Variants in ZNF407 observed in about 807,000 individuals in gnomAD.
ZNF407 encodes the protein zinc finger protein 407.
A neutral mutation model predicts 131.2 loss-of-function variants in ZNF407; 17 were observed. The observed-to-expected ratio is 0.13, with a 90% CI of 0.09 to 0.19. The LOEUF (loss-of-function observed/expected upper bound fraction) is 0.19, where lower values mean the gene tolerates loss of function less well. ZNF407 is among the 10% of genes least tolerant of loss of function. ZNF407 has a pLI of 1.00. For missense variants in ZNF407, 2,681 were observed against 2,830.6 expected (o/e 0.95, Z 1.20); for synonymous variants, 1,156 against 1,062.0 (o/e 1.09, Z -1.72).
At chr18:74,723,308 T>G (rs1033889256) in intron 3 of ZNF407, among the ~76,000 whole-genome samples, 4 of 152,212 alleles carry the variant, frequency 2.6e-5, no homozygotes, top group Non-Finnish European at 5.9e-5. Context: ...CTTTTTCCCT[T>G]TGGGATTTGG....
chr18:74,928,171 A>G (rs1257739195), intron 8 of ZNF407, among the ~76,000 whole-genome samples: 1 of 152,200 alleles, frequency 6.6e-6, no homozygotes, highest in Non-Finnish European at 1.5e-5. Flanking sequence ...CAATCAATAC[A>G]TGTAAGGTAT....
At chr18:74,699,112 T>C (rs1001683773) in intron 3 of ZNF407, among the ~76,000 whole-genome samples, 2 of 151,616 alleles carry the variant, frequency 1.3e-5, no homozygotes, top group Non-Finnish European at 2.9e-5. Flanking sequence ...TATTAACCAA[T>C]TTTTTTTAAC....
chr18:74,695,636 G>A (rs1455348517), intron 3 of ZNF407, among the ~76,000 whole-genome samples: 7 of 152,060 alleles, frequency 4.6e-5, no homozygotes, highest in African/African-American at 1.4e-4. Context: ...TGTGGTAGAA[G>A]GAATGTCTGA....
At chr18:75,047,418 C>A (rs1486413342) in intron 8 of ZNF407, among the ~76,000 whole-genome samples, 1 of 152,248 alleles carries the variant, frequency 6.6e-6, no homozygotes, top group Non-Finnish European at 1.5e-5. Flanking sequence ...CCTCTGCCTT[C>A]TGCCCTTCTG....
intron 4 of ZNF407, among the ~76,000 whole-genome samples, chr18:74,862,137 T>G (rs1970946234): frequency 6.6e-6 from 1 of 152,272 alleles, no homozygotes; most frequent in African/African-American, 2.4e-5. Flanking sequence ...AAATCTTCAT[T>G]TTGGTTTTAT....
At chr18:74,692,418 G>A (rs1300075906) in intron 3 of ZNF407, among the ~76,000 whole-genome samples, 6 of 152,056 alleles carry the variant, frequency 3.9e-5, no homozygotes, top group Non-Finnish European at 8.8e-5. Context: ...TGTCTCAGAG[G>A]GCTCTCCTTC....
At chr18:74,842,424 T>C (rs1245647852) in intron 4 of ZNF407, among the ~76,000 whole-genome samples, 1 of 152,216 alleles carries the variant, frequency 6.6e-6, no homozygotes, top group African/African-American at 2.4e-5. Context: ...AAATTCCTAC[T>C]ACTGTGTTTA....
chr18:75,035,137 G>A (rs1260547366), intron 8 of ZNF407, among the ~76,000 whole-genome samples: 1 of 152,150 alleles, frequency 6.6e-6, no homozygotes, highest in Non-Finnish European at 1.5e-5. Flanking sequence ...ATGAAATTAA[G>A]CAGTGAGCAC....
At chr18:74,769,615 A>G (rs925709419) in intron 3 of ZNF407, among the ~76,000 whole-genome samples, 3 of 152,236 alleles carry the variant, frequency 2.0e-5, no homozygotes, top group Admixed American at 6.5e-5. Flanking sequence ...TTTTAAAACA[A>G]TTCAGACATT....
At chr18:74,893,672 T>C (rs2404480) in intron 7 of ZNF407, among the ~76,000 whole-genome samples, 58,154 of 151,630 alleles carry the variant, frequency 0.38, 12,709 homozygotes, top group African/African-American at 0.6. Flanking sequence ...TAAATGTATT[T>C]GTTCACAGCA....
Position 74,634,770 on chromosome 18 carries a change from C to T in ZNF407, c.3751C>T (p.Pro1251Ser). ...TGTTGTCCCCCACAGACACCTGTGCCCTGTGACGCTCGATGGGGAGCGCTC... is the reference window on the plus strand; with the variant it reads ...TGTTGTCCCCCACAGACACCTGTGCTCTGTGACGCTCGATGGGGAGCGCTC... ...GGVVPHRHLC[P>S]VTLDGERSAE... The change falls in exon 2 of 9, where the codon CCT becomes TCT. Residue 1251 changes from proline to serine, a missense_variant. Physicochemically the swap from Pro to Ser is moderately conservative, Grantham distance 74. This residue lies in a region of ZNF407 where 1,789 missense variants were observed against 1,748.7 expected (regional missense o/e 1.02). Transcript: ENST00000299687. 1 of 1,614,018 alleles carries T rather than the reference C, an allele frequency of 6.2e-7. No individual in the cohort carries two copies. Among genetic ancestry groups the T allele is most frequent in the Non-Finnish European group, 8.5e-7 (1 of 1,179,904 alleles).
chr18:74,623,086 G>C (rs75826365), intron 1 of ZNF407, among the ~76,000 whole-genome samples: 3,877 of 150,822 alleles, frequency 0.026, 140 homozygotes, highest in African/African-American at 0.085. Context: ...ATCTGTATCA[G>C]TGTGTGAGTG....
chr18:74,778,444 A>G (rs932341995), intron 3 of ZNF407, among the ~76,000 whole-genome samples: 1 of 152,022 alleles, frequency 6.6e-6, no homozygotes. Context: ...TCTGTAATTT[A>G]TTCTCCTACC....
chr18:74,760,855 A>G (rs1261914077), intron 3 of ZNF407, among the ~76,000 whole-genome samples: 2 of 152,182 alleles, frequency 1.3e-5, no homozygotes, highest in South Asian at 2.1e-4. Flanking sequence ...AATAAGTTCA[A>G]GTGCCCCAAA....
chr18:74,822,827 G>C (rs1387578991), intron 4 of ZNF407, among the ~76,000 whole-genome samples: 1 of 152,138 alleles, frequency 6.6e-6, no homozygotes, highest in African/African-American at 2.4e-5. Context: ...GCTTTATGGG[G>C]ATAGCATTGA....
Position 74,906,509 on chromosome 18 carries a change from A to C in ZNF407, c.5250-14005A>C, listed in dbSNP as rs574301168. Among the ~76,000 whole-genome samples, 323 of 152,346 alleles carry C rather than the reference A, an allele frequency of 2.1e-3. 3 individuals carry two copies. The highest frequency in any genetic ancestry group is 7.1e-3 in the African/African-American group (294 of 41,578). On this transcript the variant is annotated intron_variant, in intron 7 of 8. Transcript: ENST00000299687. ...ATAGATGTTTGGTCATATTTGCTTT[A>C]TATGTAGAACACTTAAAGATATTTT... is the stretch of plus-strand genomic sequence containing the variant.
intron 8 of ZNF407, among the ~76,000 whole-genome samples, chr18:74,950,099 A>T (rs1568280429): frequency 6.6e-6 from 1 of 152,174 alleles, no homozygotes. Flanking sequence ...ACTGAATGCC[A>T]GCTGCATACA....
intron 3 of ZNF407, among the ~76,000 whole-genome samples, chr18:74,775,473 A>G (rs1969449277): frequency 6.6e-6 from 1 of 152,252 alleles, no homozygotes; most frequent in Non-Finnish European, 1.5e-5. Context: ...GTCAACTGCA[A>G]GTGCAGTATG....
chr18:74,778,286 G>C (rs1475682038), intron 3 of ZNF407, among the ~76,000 whole-genome samples: 1 of 152,158 alleles, frequency 6.6e-6, no homozygotes, highest in Admixed American at 6.5e-5. Flanking sequence ...TCAGAGGTCT[G>C]TGGTTGTGCT....
Sources: gnomAD v4.1 joint callset for allele counts (sites outside exome capture counted in the v4.1 genomes callset) on GRCh38, gnomAD v4.1.1 for gene constraint, gnomAD v4.1.1 regional missense constraint, MANE v1.5 for transcripts, NCBI Gene and HGNC (gene_info 2026-07-23, HGNC 2026-07-21) for gene names.